RBFOX1: variants seen among roughly 807,000 people sequenced by gnomAD.
RBFOX1 encodes the protein RNA binding protein fox-1 homolog 1.
RBFOX1 carries 8 observed loss-of-function variants against 57.7 expected under a neutral mutation model. The observed-to-expected ratio is 0.14, with a 90% CI of 0.08 to 0.25. RBFOX1 has a LOEUF of 0.25. Among genes scored for constraint, RBFOX1 ranks in the 10% least tolerant of loss-of-function variants. The pLI is 1.00. For missense variants in RBFOX1, 611 were observed against 548.5 expected, an observed-to-expected ratio of 1.11 and a Z score of -1.14; for synonymous variants, 326 against 222.4, an observed-to-expected ratio of 1.47 and a Z score of -4.15.
At chr16:5,454,844 T>C (rs972615498) in intron 1 of RBFOX1, among the ~76,000 whole-genome samples, 15 of 105,678 alleles carry the variant, frequency 1.4e-4, no homozygotes, top group Admixed American at 3.8e-4. Context: ...TTCTTTCCTT[T>C]CTTTCTTTCT....
intron 3 of RBFOX1, among the ~76,000 whole-genome samples, chr16:6,962,923 G>T (rs1029374271): frequency 6.6e-6 from 1 of 150,574 alleles, no homozygotes. Context: ...ATTTGGGTGG[G>T]CTGGGGTGGG....
In RBFOX1 at chr16:6,135,003, A is replaced by T. The variant is rs116380002; in HGVS notation, c.-127+115011A>T. On this transcript the variant is annotated intron_variant, in intron 1 of 15. Transcript: ENST00000550418. Reference sequence around the variant, plus strand: ...ACTGCTGTCCGTCCCCCCTCCCCTGACCCCACTACAGGCCCCGGTGTATGA... The same window carrying T: ...ACTGCTGTCCGTCCCCCCTCCCCTGTCCCCACTACAGGCCCCGGTGTATGA... Among the ~76,000 whole-genome samples, 1,263 of 151,388 alleles carry T rather than the reference A, an allele frequency of 8.3e-3. 20 individuals are homozygous for T. The highest frequency in any genetic ancestry group is 0.029 in the African/African-American group (1,210 of 41,208).
rs368517134 is a variant in RBFOX1 at position 6,525,143 on chromosome 16, G to A, written c.-63-129460G>A. ...GATATTTGGTCAACCTGTATTTATT[G>A]GGAATTGCTTGCAAACATCCTGAAC... On this transcript the variant is annotated intron_variant, in intron 2 of 15. Coordinates refer to ENST00000550418, the MANE Select transcript of RBFOX1 (RefSeq NM_018723.4). Among the ~76,000 whole-genome samples the A allele has an allele frequency of 1.4e-4, 21 of 152,234 alleles. 1 individual carries two copies. In the South Asian group the frequency reaches 1.5e-3, roughly 11 times the overall value.
At chr16:5,692,191 G>A (rs890793112) in intron 3 of RBFOX1, among the ~76,000 whole-genome samples, 6 of 149,066 alleles carry the variant, frequency 4.0e-5, no homozygotes, top group Admixed American at 6.7e-5. Context: ...GTGTGTGTGT[G>A]TGTGTGTGTG....
downstream of RBFOX1, among the ~76,000 whole-genome samples, chr16:5,600,374 C>A (rs1198848312): frequency 6.7e-6 from 1 of 150,184 alleles, no homozygotes; most frequent in Admixed American, 6.7e-5. Flanking sequence ...CAGTCTCAGA[C>A]ACTCGGGAGG....
intron 1 of RBFOX1, among the ~76,000 whole-genome samples, chr16:5,448,031 C>A (rs958887223): frequency 3.9e-5 from 6 of 152,102 alleles, no homozygotes; most frequent in African/African-American, 4.8e-5. Context: ...GGGGTGGAGT[C>A]ACATGGGGGA....
chr16:6,085,395 C>A (rs60232960), intron 1 of RBFOX1, among the ~76,000 whole-genome samples: 2,371 of 152,290 alleles, frequency 0.016, 58 homozygotes, highest in African/African-American at 0.054. Context: ...GCCTCAGCCT[C>A]CCGAGTAGCT....
intron 1 of RBFOX1, among the ~76,000 whole-genome samples, chr16:6,131,976 C>T (rs901980347): frequency 6.6e-6 from 1 of 152,258 alleles, no homozygotes; most frequent in East Asian, 1.9e-4. Flanking sequence ...GATCTGCCTT[C>T]GTGATGATTT....
At chr16:5,793,804 C>T (rs922002086) in intron 3 of RBFOX1, among the ~76,000 whole-genome samples, 3 of 152,106 alleles carry the variant, frequency 2.0e-5, no homozygotes, top group Admixed American at 1.3e-4. Context: ...TGTGAGTGTG[C>T]ATTGCATGCG....
intron 3 of RBFOX1, among the ~76,000 whole-genome samples, chr16:6,699,742 G>A (rs1568268755): frequency 2.0e-5 from 3 of 152,158 alleles, no homozygotes; most frequent in African/African-American, 2.4e-5. Flanking sequence ...TTGCCTTGAA[G>A]GAGTTTATGA....
At chr16:6,948,778 A>G (rs1456843626) in intron 3 of RBFOX1, among the ~76,000 whole-genome samples, 1 of 152,098 alleles carries the variant, frequency 6.6e-6, no homozygotes, top group East Asian at 1.9e-4. Flanking sequence ...TACAATCCAG[A>G]AGAGGAAGCG....
intron 4 of RBFOX1, among the ~76,000 whole-genome samples, chr16:7,155,736 T>TACACACACACACAC (rs1476111320): frequency 1.2e-5 from 1 of 83,398 alleles, no homozygotes; most frequent in African/African-American, 5.9e-5. Context: ...TATATATATA[T>TACACACACACACAC]ATACACACAC....
At chr16:5,635,125 C>G (rs1413683369) in intron 3 of RBFOX1, among the ~76,000 whole-genome samples, 2 of 150,104 alleles carry the variant, frequency 1.3e-5, no homozygotes, top group African/African-American at 2.5e-5. Context: ...TACACTGCTC[C>G]TCCTCATCTT....
intron 3 of RBFOX1, among the ~76,000 whole-genome samples, chr16:7,022,407 G>A (rs1002756881): frequency 1.3e-5 from 2 of 151,932 alleles, no homozygotes; most frequent in East Asian, 3.9e-4. Context: ...AGTCAGGTCT[G>A]CTTAAACCCA....
chr16:6,808,178 G>GTGTGTGTA (rs1318609964), intron 3 of RBFOX1, among the ~76,000 whole-genome samples: 6 of 145,542 alleles, frequency 4.1e-5, no homozygotes, highest in African/African-American at 1.0e-4. Context: ...GTGTGTGTGT[G>GTGTGTGTA]TATATATATA....
intron 1 of RBFOX1, among the ~76,000 whole-genome samples, chr16:6,249,110 T>C (rs1488512517): frequency 6.6e-6 from 1 of 151,942 alleles, no homozygotes; most frequent in East Asian, 1.9e-4. Context: ...CCCACTCCCC[T>C]CCCCACCAAC....
At chr16:7,356,933 T>G (rs976935668) in intron 4 of RBFOX1, among the ~76,000 whole-genome samples, 3 of 152,164 alleles carry the variant, frequency 2.0e-5, no homozygotes, top group African/African-American at 7.2e-5. Flanking sequence ...GAAAGAAGAT[T>G]GAGATCAAGT....
At chr16:7,231,856 C>G (rs1362331669) in intron 4 of RBFOX1, among the ~76,000 whole-genome samples, 5 of 152,102 alleles carry the variant, frequency 3.3e-5, no homozygotes, top group Non-Finnish European at 5.9e-5. Flanking sequence ...GTAGGTAAAT[C>G]CACACCAACA....
downstream of RBFOX1, chr16:5,601,250 C>T (rs1180876655): frequency 1.3e-5 from 2 of 152,418 alleles, no homozygotes; most frequent in Admixed American, 6.5e-5. Flanking sequence ...CTGCTGTCTT[C>T]TGAAGGCTGG....
Sources: allele counts gnomAD v4.1 joint callset (sites outside exome capture counted in the v4.1 genomes callset), GRCh38; gene constraint gnomAD v4.1.1; transcripts MANE v1.5; gene names NCBI Gene and HGNC (gene_info 2026-07-23, HGNC 2026-07-21).